Variants in SORCS3 observed in about 807,000 individuals in gnomAD.
SORCS3 encodes the protein sortilin related VPS10 domain containing receptor 3.
SORCS3 carries 57 observed loss-of-function variants against 146.3 expected under a neutral mutation model. That is an observed-to-expected ratio of 0.39 (90% confidence interval 0.31 to 0.49). SORCS3 has a LOEUF of 0.49. Ranked by LOEUF, SORCS3 falls within the 20% of genes least tolerant of loss-of-function variation. SORCS3 has a pLI of 0.92. For synonymous variants in SORCS3, 653 were observed against 618.5 expected (o/e 1.06, Z -0.83); for missense variants, 1,341 against 1,575.5 (o/e 0.85, Z 2.52).
At chr10:104,642,022 G>GGGGGGGGGGGGGGGGGGGGGCCCCC in intron 1 of SORCS3, 68 bp downstream of exon 1, 7 of 173,330 alleles carry the variant, frequency 4.0e-5, no homozygotes, top group East Asian at 3.0e-4. Context: ...GGGTGGGTGG[G>GGGGGGGGGGGGGGGGGGGGGCCCCC]AGCGAGGGAC....
intron 9 of SORCS3, among the ~76,000 whole-genome samples, chr10:105,155,403 A>T (rs1267604852): frequency 1.3e-5 from 2 of 152,126 alleles, no homozygotes; most frequent in Admixed American, 6.5e-5. Context: ...GGCCCTGGGT[A>T]CTTGTGGGAG....
At chr10:104,831,675 G>A (rs1232972053) in intron 1 of SORCS3, among the ~76,000 whole-genome samples, 1 of 152,212 alleles carries the variant, frequency 6.6e-6, no homozygotes, top group Non-Finnish European at 1.5e-5. Flanking sequence ...CTCAGGGCCA[G>A]GACCTCTTTC....
At chr10:104,887,784 C>T (rs2018704266) in intron 2 of SORCS3, among the ~76,000 whole-genome samples, 1 of 152,192 alleles carries the variant, frequency 6.6e-6, no homozygotes, top group East Asian at 1.9e-4. Flanking sequence ...TGTTGTTCTA[C>T]TTATGCTTCT....
chr10:104,793,857 A>T (rs1225855460), intron 1 of SORCS3, among the ~76,000 whole-genome samples: 1 of 152,190 alleles, frequency 6.6e-6, no homozygotes, highest in Non-Finnish European at 1.5e-5. Flanking sequence ...GGCAGGTGGA[A>T]ATTGTGGATC....
intron 2 of SORCS3, among the ~76,000 whole-genome samples, chr10:104,856,333 G>A: frequency 6.7e-6 from 1 of 150,358 alleles, no homozygotes; most frequent in Non-Finnish European, 1.5e-5. Flanking sequence ...ATATAAATTA[G>A]AGGTATATAT....
At chr10:104,999,317 C>T (rs1451563001) in intron 4 of SORCS3, among the ~76,000 whole-genome samples, 2 of 152,076 alleles carry the variant, frequency 1.3e-5, no homozygotes, top group Admixed American at 6.6e-5. Flanking sequence ...TTGGCTCTGA[C>T]CAGCTGCCAA....
At chr10:105,200,873 G>A (rs1327809709) in intron 15 of SORCS3, among the ~76,000 whole-genome samples, 1 of 152,198 alleles carries the variant, frequency 6.6e-6, no homozygotes, top group Non-Finnish European at 1.5e-5. Context: ...GAAACGGGAT[G>A]ATGTAGACAT....
chr10:105,139,457 A>C lies in SORCS3; in HGVS notation c.1273A>C (p.Ile425Leu). The C allele has an allele frequency of 6.2e-7, 1 of 1,613,658 alleles. No homozygotes were observed. The highest frequency in any genetic ancestry group is 8.5e-7 in the Non-Finnish European group (1 of 1,179,636). ...TTATCGAAGAGAGGCCTTTGCTCAG[A>C]TAAAGCTGCCTAAGTACTCGTTGCC... ...VSYRREAFAQ[I>L]KLPKYSLPKD... is the part of the protein sequence containing the mutation. The change falls in exon 8 of 27, where the codon ATA becomes CTA. Residue 425 changes from isoleucine to leucine, a missense_variant. By Grantham distance (5) the Ile-to-Leu change is conservative. Transcript: ENST00000369701.
At chr10:104,950,194 T>C (rs1335417387) in intron 3 of SORCS3, among the ~76,000 whole-genome samples, 3 of 152,308 alleles carry the variant, frequency 2.0e-5, no homozygotes, top group African/African-American at 7.2e-5. Context: ...AAGATCCTTT[T>C]CAAAATGTTA....
chr10:104,793,564 G>A (rs1184490515), intron 1 of SORCS3, among the ~76,000 whole-genome samples: 1 of 152,158 alleles, frequency 6.6e-6, no homozygotes, highest in Non-Finnish European at 1.5e-5. Flanking sequence ...GAATACAGGG[G>A]ATGGGATTGT....
chr10:104,728,930 C>G (rs748706462), intron 1 of SORCS3, among the ~76,000 whole-genome samples: 2 of 152,156 alleles, frequency 1.3e-5, no homozygotes, highest in Non-Finnish European at 2.9e-5. Context: ...GTCTCTTAAT[C>G]TCAACAATTA....
In SORCS3 at chr10:105,158,912, G is replaced by A. The variant is rs750860640; in HGVS notation, c.1650G>A (p.Leu550=). Residue 550 remains leucine (L), a synonymous_variant, in exon 11 of 27, where the codon CTG becomes CTA. Transcript: ENST00000369701. The part of the protein sequence containing the change: ...HCLLPFCSLH[L]HLQLSENPYS... ...TTTAGCCCTTCTGTTCCTTACATCT[G>A]CACCTGCAACTCTCTGAAAATCCAT... 2 of 1,612,696 alleles carry A rather than the reference G, an allele frequency of 1.2e-6. No homozygotes were observed. Among genetic ancestry groups the A allele is most frequent in the East Asian group, 2.2e-5 (1 of 44,820 alleles).
chr10:104,799,826 C>A (rs1198885892), intron 1 of SORCS3, among the ~76,000 whole-genome samples: 1 of 151,960 alleles, frequency 6.6e-6, no homozygotes, highest in Non-Finnish European at 1.5e-5. Flanking sequence ...CAGGTGCCCA[C>A]CACCACGCCT....
In SORCS3 at chr10:105,247,648, T is replaced by G. The variant is rs149021763; in HGVS notation, c.3105+317T>G. Reference sequence around the variant, plus strand: ...CTGTAATCCCAGCTACTCAGGTGGCTGAGGCATGAGAATTGCTTGAACCGG... The same window carrying G: ...CTGTAATCCCAGCTACTCAGGTGGCGGAGGCATGAGAATTGCTTGAACCGG... On this transcript the variant is annotated intron_variant, in intron 22 of 26. Transcript: ENST00000369701. 4.4e-3 allele frequency among the ~76,000 whole-genome samples: 674 copies of G among 152,266 alleles called. 5 individuals are homozygous for G. Among genetic ancestry groups the G allele is most frequent in the African/African-American group, 0.016 (644 of 41,546 alleles).
intron 1 of SORCS3, among the ~76,000 whole-genome samples, chr10:104,715,487 A>G (rs2016465733): frequency 6.6e-6 from 1 of 152,180 alleles, no homozygotes; most frequent in Non-Finnish European, 1.5e-5. Flanking sequence ...CAGACGGCAG[A>G]TCATGGGACT....
intron 7 of SORCS3, among the ~76,000 whole-genome samples, chr10:105,113,855 T>C (rs1372026879): frequency 1.3e-5 from 2 of 152,132 alleles, no homozygotes; most frequent in East Asian, 1.9e-4. Flanking sequence ...CTTGTTTTAA[T>C]AGGGAAGAGT....
At chr10:105,215,701 C>A (rs1038185245) in intron 18 of SORCS3, among the ~76,000 whole-genome samples, 2 of 152,104 alleles carry the variant, frequency 1.3e-5, no homozygotes, top group African/African-American at 4.8e-5. Flanking sequence ...TATTCATAAA[C>A]TCAAGGATAG....
intron 20 of SORCS3, among the ~76,000 whole-genome samples, chr10:105,244,510 C>T (rs1044896617): frequency 2.0e-5 from 3 of 151,992 alleles, no homozygotes; most frequent in Admixed American, 6.6e-5. Flanking sequence ...GTATACACAG[C>T]GGTCCTGGAA....
At chr10:105,163,885 C>T (rs1237176251) in intron 11 of SORCS3, among the ~76,000 whole-genome samples, 8 of 47,752 alleles carry the variant, frequency 1.7e-4, no homozygotes, top group Non-Finnish European at 7.2e-5. Flanking sequence ...TACGCACATA[C>T]ACACACACAC....
Sources: gnomAD v4.1 joint callset for allele counts (sites outside exome capture counted in the v4.1 genomes callset) on GRCh38, gnomAD v4.1.1 for gene constraint, MANE v1.5 for transcripts, NCBI Gene and HGNC (gene_info 2026-07-23, HGNC 2026-07-21) for gene names.